TRPM1: variants seen among roughly 807,000 people sequenced by gnomAD.
The protein encoded by TRPM1 is transient receptor potential cation channel subfamily M member 1.
In TRPM1, 113 loss-of-function variants were observed where a neutral mutation model predicts 149.4. That is an observed-to-expected ratio of 0.76 (90% CI 0.65 to 0.88). The LOEUF is 0.88. Ranked by LOEUF, TRPM1 falls within the 40% of genes least tolerant of loss-of-function variation. TRPM1 has a pLI of 0.00. For synonymous variants in TRPM1, 741 were observed against 759.5 expected, an observed-to-expected ratio of 0.98 and a Z score of 0.40; for missense variants, 1,976 against 2,038.7, an observed-to-expected ratio of 0.97 and a Z score of 0.59.
intron 4 of TRPM1, chr15:31,069,292 A>G (rs772290336): frequency 1.6e-4 from 72 of 446,010 alleles, no homozygotes; most frequent in Non-Finnish European, 2.1e-4. Flanking sequence ...AGTGAGGAGG[A>G]GGCTAATAAT....
chr15:31,119,657 T>A (rs1426444529), intron 1 of TRPM1, among the ~76,000 whole-genome samples: 2 of 152,042 alleles, frequency 1.3e-5, no homozygotes, highest in African/African-American at 4.8e-5. Flanking sequence ...ACAAAAATAA[T>A]AACAACAATG....
intron 20 of TRPM1, among the ~76,000 whole-genome samples, chr15:31,037,200 G>A (rs2033427701): frequency 6.6e-6 from 1 of 152,244 alleles, no homozygotes; most frequent in African/African-American, 2.4e-5. Flanking sequence ...GGGCCTCAGA[G>A]AGGGCTGGAG....
intron 27 of TRPM1, among the ~76,000 whole-genome samples, chr15:31,020,507 C>T (rs1459931584): frequency 6.6e-6 from 1 of 152,244 alleles, no homozygotes; most frequent in Non-Finnish European, 1.5e-5. Context: ...TGGCCCAGTA[C>T]AAAGCCATGT....
Position 31,026,186 on chromosome 15 carries a change from A to G in TRPM1, c.3582T>C (p.Asp1194=). ...CVQEHFREKE[D]EQQSSSDERI... is the part of the protein sequence containing the mutation. ...GCTCGTCGCTGGACGACTGCTGCTCATCCTCCTTCTCCCGGAAGTGCTCCT... is the reference window on the plus strand; with the variant it reads ...GCTCGTCGCTGGACGACTGCTGCTCGTCCTCCTTCTCCCGGAAGTGCTCCT... Residue 1194 remains aspartate, a synonymous_variant, in exon 27 of 28, where the codon GAT becomes GAC. Transcript: ENST00000256552. The G allele has an allele frequency of 1.2e-6, 2 of 1,612,514 alleles. No homozygotes were observed. Among genetic ancestry groups the G allele is most frequent in the Non-Finnish European group, 1.7e-6 (2 of 1,180,032 alleles).
chr15:31,038,160 T>C lies in TRPM1; in HGVS notation c.2323A>G (p.Met775Val). ...MRKNPGLKVI[M>V]GILLPPTILF... ...ATGGTGGGGGGTAGAAGAATCCCCA[T>C]GATAACCTACGGAACATAAATTGAT... Residue 775 changes from methionine to valine, a missense_variant, in exon 19 of 28, where the codon ATG becomes GTG. Physicochemically the swap from Met to Val is conservative, Grantham distance 21 (BLOSUM62 1). This residue lies in a region of TRPM1 where 1,332 missense variants were observed against 1,347.1 expected (regional missense o/e 0.99). Coordinates refer to ENST00000256552, the MANE Select transcript of TRPM1 (RefSeq NM_001252024.2). 2 of 1,614,112 alleles carry C rather than the reference T, an allele frequency of 1.2e-6. No individual in the cohort carries two copies. Among genetic ancestry groups the C allele is most frequent in the Non-Finnish European group, 1.7e-6 (2 of 1,179,980 alleles).
chr15:31,148,513 T>C (rs143335857), intron 1 of TRPM1, among the ~76,000 whole-genome samples: 6 of 152,334 alleles, frequency 3.9e-5, no homozygotes, highest in South Asian at 2.1e-4. Context: ...TGAATTTCAA[T>C]GGAGCTTCAA....
chr15:31,115,779 G>T (rs1250160425), intron 1 of TRPM1, among the ~76,000 whole-genome samples: 1 of 151,612 alleles, frequency 6.6e-6, no homozygotes, highest in Non-Finnish European at 1.5e-5. Flanking sequence ...GCCTGTCTTA[G>T]TCCATTCAAG....
In TRPM1 at chr15:31,160,954, G is replaced by A. The variant is rs1014706210; in HGVS notation, c.6C>T (p.Ser2=). 7 of 1,535,390 alleles carry A rather than the reference G, an allele frequency of 4.6e-6. No homozygotes were observed. In the Admixed American group the frequency reaches 5.9e-5, roughly 13 times the overall value. Residue 2 remains serine (S), a synonymous_variant, in exon 1 of 27, where the codon AGC becomes AGT. Transcript: ENST00000542188. ...TCTTGAGCGAGCCCCGCTTGAAGGA[G>A]CTCATCTCTCTCAGTGAGCCTGTGA...
intron 11 of TRPM1, among the ~76,000 whole-genome samples, chr15:31,050,811 C>T (rs570241873): frequency 8.5e-5 from 13 of 152,306 alleles, no homozygotes; most frequent in African/African-American, 3.1e-4. Context: ...GCCTGGCTGT[C>T]TGAAGAAGGC....
chr15:31,091,048 TAAAA>T (rs1200961958), intron 1 of TRPM1, among the ~76,000 whole-genome samples: 1 of 152,102 alleles, frequency 6.6e-6, no homozygotes, highest in Admixed American at 6.5e-5. Context: ...CATTAGCTGA[TAAAA>T]AAAAGTGCAA....
At chr15:31,095,806 G>A (rs192105128) in intron 1 of TRPM1, among the ~76,000 whole-genome samples, 8 of 152,080 alleles carry the variant, frequency 5.3e-5, no homozygotes, top group African/African-American at 1.9e-4. Context: ...CACTTTGGGA[G>A]GCCAAGGTGG....
intron 1 of TRPM1, among the ~76,000 whole-genome samples, chr15:31,141,908 A>G (rs1168964766): frequency 6.6e-6 from 1 of 152,162 alleles, no homozygotes; most frequent in African/African-American, 2.4e-5. Context: ...CCAGTTGTCT[A>G]ATTAAGAAAC....
intron 11 of TRPM1, among the ~76,000 whole-genome samples, chr15:31,052,685 G>T (rs1363800172): frequency 2.0e-5 from 3 of 152,176 alleles, no homozygotes; most frequent in Non-Finnish European, 2.9e-5. Flanking sequence ...TGAGGCAGGA[G>T]AATTCCTTGA....
chr15:31,057,829 C>T (rs561438235), intron 11 of TRPM1, among the ~76,000 whole-genome samples: 30 of 152,300 alleles, frequency 2.0e-4, no homozygotes, highest in African/African-American at 5.5e-4. Flanking sequence ...GTTTCCCCCA[C>T]GCTGTTCTCA....
chr15:31,045,131 C>G (rs2033727953), intron 16 of TRPM1, among the ~76,000 whole-genome samples: 1 of 152,148 alleles, frequency 6.6e-6, no homozygotes, highest in African/African-American at 2.4e-5. Flanking sequence ...ACAGAAAGCT[C>G]ATAACCCTTC....
intron 3 of TRPM1, among the ~76,000 whole-genome samples, chr15:31,075,385 C>T (rs2034662511): frequency 2.0e-5 from 3 of 152,188 alleles, no homozygotes. Flanking sequence ...TTTGTTGTAA[C>T]TTCCTGATCG....
At position 31,067,992 on chromosome 15, in the gene TRPM1, C is replaced by T. The variant is rs1555424849; in HGVS notation, c.380G>A (p.Gly127Glu). The T allele has an allele frequency of 6.2e-7, 1 of 1,614,162 alleles. No homozygotes were observed. The highest frequency in any genetic ancestry group is 2.2e-5 in the East Asian group (1 of 44,876). ...ELPKLLISVH[G>E]GLQNFEMQPK... The stretch of plus-strand genomic sequence containing the variant: ...CTGCATCTCAAAGTTCTGGAGGCCT[C>T]CATGCACAGATATTAAGAGCTTGGG... Residue 127 changes from glycine (G) to glutamate (E), a missense_variant, in exon 5 of 28, where the codon GGA (glycine) becomes GAA (glutamate). Physicochemically the swap from Gly to Glu is moderately conservative, Grantham distance 98. This residue lies in a region of TRPM1 where 1,332 missense variants were observed against 1,347.1 expected (regional missense o/e 0.99). Transcript: ENST00000256552.
chr15:31,153,479 C>T (rs2036329626), intron 1 of TRPM1, among the ~76,000 whole-genome samples: 2 of 152,258 alleles, frequency 1.3e-5, no homozygotes, highest in Middle Eastern at 6.8e-3. Flanking sequence ...AACCTGCCAC[C>T]ATGCCTAGCT....
intron 1 of TRPM1, among the ~76,000 whole-genome samples, chr15:31,131,246 G>A (rs766135396): frequency 3.3e-5 from 5 of 152,324 alleles, no homozygotes; most frequent in Middle Eastern, 3.4e-3. Context: ...GTTCAGGTCA[G>A]CCTTGTGCTA....
Sources: allele counts gnomAD v4.1 joint callset (sites outside exome capture counted in the v4.1 genomes callset), GRCh38; gene constraint gnomAD v4.1.1; regional missense constraint gnomAD v4.1.1; transcripts MANE v1.5; gene names NCBI Gene and HGNC (gene_info 2026-07-23, HGNC 2026-07-21).